Variants in TCTN2 observed in about 807,000 individuals in gnomAD.
TCTN2 encodes the protein tectonic family member 2, also known as tectonic-2.
In TCTN2, 66 loss-of-function variants were observed where a neutral mutation model predicts 83.4. The ratio of observed to expected loss-of-function variants is 0.79; its 90% CI spans 0.65 to 0.97. The LOEUF (loss-of-function observed/expected upper bound fraction) is 0.97. TCTN2 is among the 50% of genes least tolerant of loss of function. The probability of loss-of-function intolerance (pLI) is 0.00; values close to 1 mark genes in which losing one functional copy is unlikely to be tolerated. For synonymous variants in TCTN2, 301 were observed against 326.7 expected (o/e 0.92, Z 0.85); for missense variants, 794 against 858.1 (o/e 0.93, Z 0.93).
chr12:123,695,605 TCA>T lies in TCTN2; in HGVS notation c.1312+313_1312+314del, dbSNP rs529546293. 9.7e-5 allele frequency: 21 copies of T among 216,998 alleles called. No individual in the cohort carries two copies. In the South Asian group the frequency reaches 1.5e-3, roughly 15 times the overall value. 13.4% of individuals were successfully genotyped at this position (216,998 alleles called of 1,614,324 possible). A position where few individuals can be genotyped will look rare whatever the true frequency, so the allele number is the denominator to read the frequency against. On this transcript the variant is annotated intron_variant, in intron 11 of 17. Coordinates refer to ENST00000303372, the MANE Select transcript of TCTN2 (RefSeq NM_024809.5). ...CCTGGCTTTTTTTTTTTTTTTTTAATCACACAACACAGGAAGTTTTATTCATC... is the reference window on the plus strand; with the variant it reads ...CCTGGCTTTTTTTTTTTTTTTTTAATCACAACACAGGAAGTTTTATTCATC...
At chr12:123,678,683 C>T (rs113089458) in intron 4 of TCTN2, among the ~76,000 whole-genome samples, 1 of 152,216 alleles carries the variant, frequency 6.6e-6, no homozygotes, top group Middle Eastern at 3.4e-3. Flanking sequence ...TTGTAACTGG[C>T]GTGTTTTCTT....
intron 5 of TCTN2, among the ~76,000 whole-genome samples, chr12:123,680,422 G>A (rs1269383499): frequency 1.3e-5 from 2 of 150,636 alleles, no homozygotes; most frequent in Non-Finnish European, 3.0e-5. Context: ...CTAAAGTGCT[G>A]GAATTACAGG....
intron 4 of TCTN2, among the ~76,000 whole-genome samples, chr12:123,676,341 G>A (rs964168861): frequency 2.6e-4 from 40 of 152,020 alleles, no homozygotes; most frequent in African/African-American, 8.5e-4. Flanking sequence ...GGCTGAGGTG[G>A]GCGGATCACG....
intron 4 of TCTN2, among the ~76,000 whole-genome samples, chr12:123,676,260 C>A (rs1955819251): frequency 6.6e-6 from 1 of 151,842 alleles, no homozygotes; most frequent in South Asian, 2.1e-4. Flanking sequence ...GCCTGGTCGA[C>A]AGAGCAAGAC....
rs1956207648 is a variant in TCTN2, at chr12:123,704,556, CA to C, written c.1638del (p.Asp547ThrfsTer7). On this transcript the variant is annotated frameshift_variant, in exon 15 of 18. Coordinates refer to ENST00000303372, the MANE Select transcript of TCTN2 (RefSeq NM_024809.5). LOFTEE classifies it high-confidence loss of function. ...IIRVDAPDPGADPLASSVNGM... is the reference protein window; with the variant it reads ...IIRVDAPDPGXDPLASSVNGM... Reference sequence around the variant, plus strand: ...GGTGTAGATGCCCCTGATCCAGGTGCAGACCCGCTGGCTAGCAGTGTGAACG... The same window carrying C: ...GGTGTAGATGCCCCTGATCCAGGTGCGACCCGCTGGCTAGCAGTGTGAACG... The C allele has an allele frequency of 6.2e-7, 1 of 1,611,446 alleles. No individual in the cohort carries two copies. Among genetic ancestry groups the C allele is most frequent in the Non-Finnish European group, 8.5e-7 (1 of 1,179,190 alleles).
rs540052401 is a variant in TCTN2, at chr12:123,673,921, C to T, written c.463+111C>T. ...AGGTTGATGCTATAAATGAGCTGCC[C>T]GGGAGGTTAATGCTACAAATGAGCT... On this transcript the variant is annotated intron_variant, in intron 4 of 17. Transcript: ENST00000303372. The T allele has an allele frequency of 5.9e-4, 597 of 1,015,554 alleles. 8 individuals carry two copies. In the South Asian group the frequency reaches 7.5e-3, roughly 13 times the overall value. 62.9% of individuals were successfully genotyped at this position (1,015,554 alleles called of 1,614,324 possible).
At chr12:123,703,169 TA>T (rs201943451) in intron 14 of TCTN2, among the ~76,000 whole-genome samples, 2,803 of 151,646 alleles carry the variant, frequency 0.018, 48 homozygotes, top group Non-Finnish European at 0.028. Flanking sequence ...GTTTTATTAT[TA>T]TTTTTTTTTC....
At chr12:123,679,145 G>A (rs756562747) in intron 4 of TCTN2, 44 bp from the exon 5 acceptor site, 22 of 1,519,674 alleles carry the variant, frequency 1.4e-5, no homozygotes, top group South Asian at 4.5e-5. Context: ...GTGCTTTGTC[G>A]GAATGTTTCT....
Position 123,688,047 on chromosome 12 carries a change from T to G in TCTN2, c.765-4T>G. On this transcript the variant is annotated splice_polypyrimidine_tract_variant and splice_region_variant and intron_variant, in intron 6 of 17. Coordinates refer to ENST00000303372, the MANE Select transcript of TCTN2 (RefSeq NM_024809.5). ...ACTATTCAGCCTTTCTTATTGATTTTCAGTTCCCCCAAACAGGACTCTTCC... is the reference window on the plus strand; with the variant it reads ...ACTATTCAGCCTTTCTTATTGATTTGCAGTTCCCCCAAACAGGACTCTTCC... 2 of 1,613,906 alleles carry G rather than the reference T, an allele frequency of 1.2e-6. No homozygotes were observed. Among genetic ancestry groups the G allele is most frequent in the East Asian group, 2.2e-5 (1 of 44,858 alleles).
chr12:123,676,948 T>G (rs1955830861), intron 4 of TCTN2, among the ~76,000 whole-genome samples: 1 of 152,108 alleles, frequency 6.6e-6, no homozygotes, highest in Non-Finnish European at 1.5e-5. Flanking sequence ...GAGGCCAAGA[T>G]GGGAGGATCA....
intron 4 of TCTN2, among the ~76,000 whole-genome samples, chr12:123,676,492 C>A (rs548127467): frequency 7.3e-6 from 1 of 137,816 alleles, no homozygotes; most frequent in Non-Finnish European, 1.5e-5. Context: ...GGCGTGAACT[C>A]GGGAGGTGGA....
intron 14 of TCTN2, among the ~76,000 whole-genome samples, chr12:123,704,280 CG>C (rs1566263734): frequency 1.3e-5 from 2 of 152,084 alleles, no homozygotes; most frequent in African/African-American, 2.4e-5. Context: ...GCTGGGATTA[CG>C]GCGTTAGCCA....
chr12:123,681,882 C>T (rs761989083), intron 5 of TCTN2, among the ~76,000 whole-genome samples: 12 of 152,126 alleles, frequency 7.9e-5, no homozygotes, highest in Admixed American at 1.3e-4. Context: ...TCTCTATATC[C>T]TCACCAACAG....
intron 1 of TCTN2, 53 bp from the exon 2 acceptor site, chr12:123,671,454 G>T: frequency 6.3e-7 from 1 of 1,594,566 alleles, no homozygotes; most frequent in Non-Finnish European, 8.6e-7. Flanking sequence ...CACACCTTAG[G>T]CGGTGATTCT....
At chr12:123,673,851 C>T in intron 4 of TCTN2, 41 bp downstream of exon 4, 1 of 1,592,982 alleles carries the variant, frequency 6.3e-7, no homozygotes, top group Non-Finnish European at 8.6e-7. Context: ...CATGTTGTTC[C>T]CAGCTACTTA....
chr12:123,704,978 T>C (rs993843453), intron 15 of TCTN2, among the ~76,000 whole-genome samples: 11 of 152,070 alleles, frequency 7.2e-5, no homozygotes, highest in Non-Finnish European at 1.3e-4. Flanking sequence ...AATCCATGGA[T>C]GTAACTGATA....
intron 7 of TCTN2, 94 bp from the exon 8 acceptor site, chr12:123,690,439 A>G: frequency 6.4e-7 from 1 of 1,558,590 alleles, no homozygotes; most frequent in South Asian, 1.1e-5. Flanking sequence ...CAATGGGAGC[A>G]GGCTGCAGAA....
At chr12:123,672,816 C>T (rs1435257994) in intron 3 of TCTN2, among the ~76,000 whole-genome samples, 2 of 152,008 alleles carry the variant, frequency 1.3e-5, no homozygotes, top group African/African-American at 2.4e-5. Context: ...TTTGGGAGGC[C>T]GAGGAGGGCG....
rs375814526 is a variant in TCTN2, at chr12:123,673,766, A to G, written c.419A>G (p.Gln140Arg). The G allele has an allele frequency of 7.4e-6, 12 of 1,614,088 alleles. No individual in the cohort carries two copies. The South Asian group carries it at 1.1e-4, about 15-fold the overall frequency. ...TCCTGTTCAGCACATCTACTCATTC[A>G]AGTGGAAATTTATGCCAACTCTTCT... ...NSSCSAHLLI[Q>R]VEIYANSSLT... The change falls in exon 4 of 18, where the codon CAA becomes CGA. Residue 140 changes from glutamine to arginine, a missense_variant. By Grantham distance (43) the Gln-to-Arg change is conservative (BLOSUM62 1). Transcript: ENST00000303372.
Sources: gnomAD v4.1 joint callset for allele counts (sites outside exome capture counted in the v4.1 genomes callset) on GRCh38, gnomAD v4.1.1 for gene constraint, MANE v1.5 for transcripts, NCBI Gene and HGNC (gene_info 2026-07-23, HGNC 2026-07-21) for gene names.